MDGA2: variants seen among roughly 807,000 people sequenced by gnomAD.
MDGA2 encodes MAM domain containing glycosylphosphatidylinositol anchor 2.
In MDGA2, 40 loss-of-function variants were observed where a neutral mutation model predicts 117.8. The ratio of observed to expected loss-of-function variants is 0.34; its 90% CI spans 0.26 to 0.44. MDGA2 has a LOEUF of 0.44. Ranked by LOEUF, MDGA2 falls within the 20% of genes least tolerant of loss-of-function variation. The pLI is 1.00. For missense variants in MDGA2, 1,123 were observed against 1,250.6 expected (o/e 0.90, Z 1.54); for synonymous variants, 452 against 439.0 (o/e 1.03, Z -0.37).
intron 1 of MDGA2, among the ~76,000 whole-genome samples, chr14:47,592,064 T>C (rs1482059802): frequency 6.6e-6 from 1 of 152,054 alleles, no homozygotes; most frequent in Admixed American, 6.6e-5. Flanking sequence ...AAAATCGATG[T>C]GCAAAAATCA....
intron 2 of MDGA2, among the ~76,000 whole-genome samples, chr14:47,261,095 G>A (rs1887781368): frequency 6.6e-6 from 1 of 152,048 alleles, no homozygotes; most frequent in African/African-American, 2.4e-5. Context: ...GTAGGCTTAA[G>A]AGGGTTCAGA....
chr14:47,618,737 T>C (rs1896992237), intron 1 of MDGA2, among the ~76,000 whole-genome samples: 1 of 152,140 alleles, frequency 6.6e-6, no homozygotes, highest in South Asian at 2.1e-4. Flanking sequence ...TGAACGAAAT[T>C]AGATTGAGTT....
chr14:47,047,254 T>C (rs1359570345), intron 7 of MDGA2, among the ~76,000 whole-genome samples: 3 of 152,130 alleles, frequency 2.0e-5, no homozygotes, highest in Non-Finnish European at 4.4e-5. Context: ...ATTTACAAGA[T>C]TAGAAATTTG....
chr14:47,566,455 G>A (rs1466498406), intron 1 of MDGA2, among the ~76,000 whole-genome samples: 1 of 152,142 alleles, frequency 6.6e-6, no homozygotes, highest in African/African-American at 2.4e-5. Context: ...TATCCCAGGG[G>A]AGCAAGGCAA....
At chr14:47,058,940 C>A in intron 7 of MDGA2, 1 of 968,626 alleles carries the variant, frequency 1.0e-6, no homozygotes, top group Non-Finnish European at 1.2e-6. Context: ...AATTTTTGAA[C>A]AAGGGGCATG....
At chr14:47,007,331 T>C (rs1887747313) in intron 8 of MDGA2, among the ~76,000 whole-genome samples, 1 of 151,808 alleles carries the variant, frequency 6.6e-6, no homozygotes, top group Admixed American at 6.6e-5. Context: ...ATTTTTCACA[T>C]TGATTCTACT....
At chr14:47,155,678 C>T (rs1883339777) in intron 3 of MDGA2, among the ~76,000 whole-genome samples, 1 of 151,898 alleles carries the variant, frequency 6.6e-6, no homozygotes, top group Admixed American at 6.6e-5. Flanking sequence ...CTGGCTCACC[C>T]TTGACAGGTG....
chr14:47,585,834 G>A (rs1896315189), intron 1 of MDGA2, among the ~76,000 whole-genome samples: 1 of 151,604 alleles, frequency 6.6e-6, no homozygotes, highest in Non-Finnish European at 1.5e-5. Context: ...ACCTTCCTCA[G>A]TCCGGGAGCT....
chr14:47,387,916 A>G (rs1891798092), intron 1 of MDGA2, among the ~76,000 whole-genome samples: 1 of 152,216 alleles, frequency 6.6e-6, no homozygotes, highest in Non-Finnish European at 1.5e-5. Context: ...ATATAAAGGA[A>G]AATGACAATA....
chr14:47,282,694 C>G (rs1206490022), intron 2 of MDGA2, among the ~76,000 whole-genome samples: 1 of 145,552 alleles, frequency 6.9e-6, no homozygotes, highest in Non-Finnish European at 1.5e-5. Context: ...AAGAATGTGT[C>G]TCAAAAAAAA....
intron 3 of MDGA2, among the ~76,000 whole-genome samples, chr14:47,159,328 T>C (rs1403967159): frequency 6.6e-6 from 1 of 152,066 alleles, no homozygotes; most frequent in African/African-American, 2.4e-5. Context: ...TAAAAAAAAA[T>C]CTTACTTTTC....
At chr14:46,905,367 AT>A (rs1012015942) in intron 10 of MDGA2, among the ~76,000 whole-genome samples, 3 of 150,300 alleles carry the variant, frequency 2.0e-5, no homozygotes, top group Non-Finnish European at 3.0e-5. Context: ...ATTTCTTTCT[AT>A]TTTTTTTTCA....
intron 1 of MDGA2, among the ~76,000 whole-genome samples, chr14:47,515,226 TG>T (rs1894726211): frequency 6.6e-6 from 1 of 152,118 alleles, no homozygotes; most frequent in South Asian, 2.1e-4. Flanking sequence ...GCTGGCTAGT[TG>T]ATTATAAAGA....
chr14:46,978,618 G>A (rs866721309), intron 8 of MDGA2, among the ~76,000 whole-genome samples: 4 of 152,106 alleles, frequency 2.6e-5, no homozygotes, highest in Middle Eastern at 3.4e-3. Context: ...TCAAATAACT[G>A]TAAATATGAA....
intron 7 of MDGA2, chr14:47,058,865 G>A: frequency 2.0e-6 from 2 of 985,566 alleles, no homozygotes; most frequent in Non-Finnish European, 2.4e-6. Context: ...TGCCATCCGT[G>A]TAGCCACACT....
intron 2 of MDGA2, among the ~76,000 whole-genome samples, chr14:47,292,438 A>G (rs1888923242): frequency 6.6e-6 from 1 of 152,088 alleles, no homozygotes; most frequent in African/African-American, 2.4e-5. Context: ...AGATCAATCC[A>G]CTTACCCAGG....
intron 1 of MDGA2, among the ~76,000 whole-genome samples, chr14:47,673,756 A>G (rs934740635): frequency 7.3e-5 from 11 of 151,646 alleles, no homozygotes; most frequent in African/African-American, 2.4e-4. Context: ...CCTCCTAATT[A>G]ACAAGCTTGC....
chr14:47,668,347 A>G (rs1042525691), intron 1 of MDGA2, among the ~76,000 whole-genome samples: 1 of 152,226 alleles, frequency 6.6e-6, no homozygotes, highest in Non-Finnish European at 1.5e-5. Flanking sequence ...AGATTTTAGT[A>G]ATTTGTAAAA....
chr14:47,281,923 G>A (rs1023473456), intron 2 of MDGA2, among the ~76,000 whole-genome samples: 6 of 151,728 alleles, frequency 4.0e-5, no homozygotes, highest in Non-Finnish European at 8.8e-5. Context: ...CGGGTGTGGC[G>A]GCGCGCCTGT....
Sources: gnomAD v4.1 joint callset for allele counts (sites outside exome capture counted in the v4.1 genomes callset) on GRCh38, gnomAD v4.1.1 for gene constraint, MANE v1.5 for transcripts, NCBI Gene and HGNC (gene_info 2026-07-23, HGNC 2026-07-21) for gene names.